SLC18B1: variants seen among roughly 807,000 people sequenced by gnomAD.
SLC18B1 encodes solute carrier family 18 member B1.
Under a neutral mutation model 53.9 loss-of-function variants are expected in SLC18B1, and 62 were observed. That is an observed-to-expected ratio of 1.15 (90% confidence interval 0.94 to 1.42). The LOEUF is 1.42. SLC18B1 is among the 40% of genes most tolerant of loss of function. SLC18B1 has a pLI of 0.00. For missense variants in SLC18B1, 598 were observed against 547.3 expected (o/e 1.09, Z -0.93); for synonymous variants, 217 against 200.9 (o/e 1.08, Z -0.68).
intron 1 of SLC18B1, among the ~76,000 whole-genome samples, chr6:132,797,521 C>T (rs1318878933): frequency 6.6e-6 from 1 of 152,138 alleles, no homozygotes; most frequent in Non-Finnish European, 1.5e-5. Flanking sequence ...TGGCGTGAAC[C>T]CGGGAGGCGG....
intron 1 of SLC18B1, among the ~76,000 whole-genome samples, chr6:132,798,130 A>G (rs971877875): frequency 6.6e-6 from 1 of 152,256 alleles, no homozygotes; most frequent in Non-Finnish European, 1.5e-5. Context: ...GTAACGTTTT[A>G]CATTTGCCTA....
intron 8 of SLC18B1, 65 bp from the exon 9 acceptor site, chr6:132,774,378 G>T: frequency 2.4e-6 from 3 of 1,236,108 alleles, no homozygotes; most frequent in African/African-American, 1.5e-5. Context: ...ATCAAACAAC[G>T]TAAAACATTA....
rs918751418 is a variant in SLC18B1, at chr6:132,769,614, T to C, written c.*656A>G. The C allele has an allele frequency of 6.6e-6, 1 of 152,224 alleles. No homozygotes were observed. The highest frequency in any genetic ancestry group is 1.5e-5 in the Non-Finnish European group (1 of 68,034). The allele number at this position is 152,224 out of a possible 1,614,324, so 9.4% of individuals were successfully genotyped here. ...AAGTAATGTTTATAAATCCAGATCATAAGTGAACGTAGGTTACAAAAATGG... is the reference window on the plus strand; with the variant it reads ...AAGTAATGTTTATAAATCCAGATCACAAGTGAACGTAGGTTACAAAAATGG... On this transcript the variant is annotated 3_prime_UTR_variant, in exon 14 of 14. Coordinates refer to ENST00000275227, the MANE Select transcript of SLC18B1 (RefSeq NM_052831.3).
In SLC18B1 at chr6:132,787,418, C is replaced by G; in HGVS notation, c.501+16G>C. On this transcript the variant is annotated intron_variant, in intron 5 of 13. Transcript: ENST00000275227. ...TACACTCAAAGGAAAGTGGGAAATA[C>G]TTCTAAAATACATACCAATACCGTA... The G allele has an allele frequency of 1.9e-6, 3 of 1,546,252 alleles. No individual in the cohort carries two copies. The highest frequency in any genetic ancestry group is 2.6e-6 in the Non-Finnish European group (3 of 1,151,802).
In SLC18B1 at chr6:132,791,073, C is replaced by T. The variant is rs1781512923; in HGVS notation, c.184-801G>A. Among the ~76,000 whole-genome samples, 3 of 152,278 alleles carry T rather than the reference C, an allele frequency of 2.0e-5. No homozygotes were observed. In the South Asian group the frequency reaches 6.2e-4, roughly 32 times the overall value. On this transcript the variant is annotated intron_variant, in intron 2 of 13. Transcript: ENST00000275227. Reference sequence around the variant, plus strand: ...ACTTTGTCAAGTCCCGGAACTATTGCAAATCCTTAAATCAGGTTCTAGCTA... The same window carrying T: ...ACTTTGTCAAGTCCCGGAACTATTGTAAATCCTTAAATCAGGTTCTAGCTA...
intron 4 of SLC18B1, 167 bp downstream of exon 4, chr6:132,789,597 C>T (rs956699927): frequency 5.5e-6 from 3 of 542,826 alleles, no homozygotes; most frequent in African/African-American, 1.9e-5. Flanking sequence ...AAAATCAATG[C>T]CATTTATCCC....
intron 2 of SLC18B1, among the ~76,000 whole-genome samples, chr6:132,794,107 A>ATTTT (rs55943508): frequency 7.9e-4 from 109 of 138,002 alleles, no homozygotes; most frequent in African/African-American, 1.7e-3. Flanking sequence ...TTTTTTTTTA[A>ATTTT]TTTTTTTTTT....
chr6:132,797,102 A>G lies in SLC18B1; in HGVS notation c.63T>C (p.Ser21=), dbSNP rs755581816. ...AAAGCCACCCGGGGGTCTCTCCTGC[A>G]CTTCCTGCAGGATCATCACCTTGAA... ...RAPGGDDPAG[S]AGETPGWLSR... is the part of the protein sequence containing the mutation. Residue 21 remains serine (S), a synonymous_variant, in exon 2 of 14, where the codon AGT becomes AGC. Transcript: ENST00000275227. 1.4e-5 allele frequency: 22 copies of G among 1,613,808 alleles called. No individual in the cohort carries two copies. Among genetic ancestry groups the G allele is most frequent in the Non-Finnish European group, 1.8e-5 (21 of 1,179,976 alleles).
intron 6 of SLC18B1, among the ~76,000 whole-genome samples, chr6:132,781,163 C>T (rs1289788148): frequency 6.6e-6 from 1 of 152,030 alleles, no homozygotes; most frequent in African/African-American, 2.4e-5. Context: ...ATCATTATTG[C>T]ACAATAGTCC....
At chr6:132,788,186 A>T (rs1427658203) in intron 4 of SLC18B1, among the ~76,000 whole-genome samples, 1 of 151,714 alleles carries the variant, frequency 6.6e-6, no homozygotes, top group East Asian at 1.9e-4. Flanking sequence ...AAAAAAAAAA[A>T]AAGAAAAAGA....
chr6:132,793,930 T>A (rs900545866), intron 2 of SLC18B1, among the ~76,000 whole-genome samples: 5 of 152,024 alleles, frequency 3.3e-5, no homozygotes, highest in African/African-American at 1.2e-4. Context: ...ATCAAAAACT[T>A]AAAAAGCACA....
At chr6:132,787,876 A>G (rs1032396262) in intron 4 of SLC18B1, among the ~76,000 whole-genome samples, 5 of 152,128 alleles carry the variant, frequency 3.3e-5, no homozygotes, top group Non-Finnish European at 5.9e-5. Context: ...GAATATGTAG[A>G]ATCAGCTGGG....
At chr6:132,777,728 A>G (rs1463859342) in intron 7 of SLC18B1, among the ~76,000 whole-genome samples, 3 of 152,232 alleles carry the variant, frequency 2.0e-5, no homozygotes, top group African/African-American at 7.2e-5. Flanking sequence ...AAAACAAAAC[A>G]AAACAAAAAA....
intron 7 of SLC18B1, among the ~76,000 whole-genome samples, chr6:132,776,899 C>T (rs769513015): frequency 2.4e-4 from 37 of 152,158 alleles, no homozygotes; most frequent in African/African-American, 5.1e-4. Flanking sequence ...AGTGGTGAGG[C>T]ACCACCAATA....
At chr6:132,787,233 A>G (rs925304538) in intron 5 of SLC18B1, among the ~76,000 whole-genome samples, 2 of 152,198 alleles carry the variant, frequency 1.3e-5, no homozygotes, top group African/African-American at 4.8e-5. Flanking sequence ...GGAATTCTAA[A>G]ACCAGGAAGA....
At chr6:132,772,293 C>T in intron 10 of SLC18B1, 87 bp from the exon 11 acceptor site, 1 of 760,098 alleles carries the variant, frequency 1.3e-6, no homozygotes, top group South Asian at 2.3e-5. Flanking sequence ...TTAAGATAAA[C>T]CAAGGATAAT....
At chr6:132,785,117 CAGTGTGTGTGTGTG>C (rs1781336927) in intron 5 of SLC18B1, among the ~76,000 whole-genome samples, 1 of 138,622 alleles carries the variant, frequency 7.2e-6, no homozygotes, top group African/African-American at 2.9e-5. Flanking sequence ...CTCTCTCTCT[CAGTGTGTGTGTGTG>C]TGTGTGTGTG....
chr6:132,774,071 T>C (rs536150445), intron 9 of SLC18B1, 151 bp downstream of exon 9: 3 of 465,604 alleles, frequency 6.4e-6, no homozygotes, highest in African/African-American at 2.0e-5. Flanking sequence ...TAGGGTAAAA[T>C]ATTGTCAGCC....
rs549756388 is a variant in SLC18B1 at position 132,798,397 on chromosome 6, A to C, written c.43+17T>G. The C allele has an allele frequency of 2.0e-6, 3 of 1,521,202 alleles. No homozygotes were observed. Among genetic ancestry groups the C allele is most frequent in the Non-Finnish European group, 8.8e-7 (1 of 1,132,088 alleles). The allele number at this position is 1,521,202 out of a possible 1,614,324, so 94.2% of individuals were successfully genotyped here. ...GCCGCTGGTCTCCGGGCTCCCGGCC[A>C]CGCAATTCATGGTCACCTCCTGGTG... On this transcript the variant is annotated intron_variant, in intron 1 of 13. Coordinates refer to ENST00000275227, the MANE Select transcript of SLC18B1 (RefSeq NM_052831.3).
Sources: allele counts gnomAD v4.1 joint callset (sites outside exome capture counted in the v4.1 genomes callset), GRCh38; gene constraint gnomAD v4.1.1; transcripts MANE v1.5; gene names NCBI Gene and HGNC (gene_info 2026-07-23, HGNC 2026-07-21).